The following CCDC175 variants were observed in gnomAD, a reference collection of about 807,000 sequenced individuals.
CCDC175 encodes the protein coiled-coil domain-containing protein 175.
In CCDC175, 100 loss-of-function variants were observed where a neutral mutation model predicts 114.6. The observed-to-expected ratio is 0.87, with a 90% CI of 0.74 to 1.03. The LOEUF (loss-of-function observed/expected upper bound fraction) is 1.03. CCDC175 is among the 50% of genes least tolerant of loss of function. The probability of loss-of-function intolerance (pLI) is 0.00; values close to 1 mark genes in which losing one functional copy is unlikely to be tolerated. For synonymous variants in CCDC175, 306 were observed against 308.7 expected (o/e 0.99, Z 0.09); for missense variants, 880 against 917.8 (o/e 0.96, Z 0.53).
At chr14:59,559,075 G>C (rs927815489) in intron 7 of CCDC175, among the ~76,000 whole-genome samples, 1 of 152,136 alleles carries the variant, frequency 6.6e-6, no homozygotes, top group Non-Finnish European at 1.5e-5. Flanking sequence ...CAGGATGGAA[G>C]CCATTAGTAA....
chr14:59,512,320 G>C (rs1892800307), intron 17 of CCDC175, among the ~76,000 whole-genome samples: 1 of 152,240 alleles, frequency 6.6e-6, no homozygotes, highest in Non-Finnish European at 1.5e-5. Context: ...CTCAGTGGCT[G>C]TCTGAGCAGC....
intron 17 of CCDC175, among the ~76,000 whole-genome samples, chr14:59,519,353 C>A (rs1338841972): frequency 6.6e-6 from 1 of 151,902 alleles, no homozygotes; most frequent in Non-Finnish European, 1.5e-5. Flanking sequence ...AATTAGAAAT[C>A]TAGACATAAA....
rs761688330 is a variant in CCDC175 at position 59,576,632 on chromosome 14, C to T, written c.144G>A (p.Gln48=). 3.4e-6 allele frequency: 5 copies of T among 1,472,336 alleles called. No individual in the cohort carries two copies. In the South Asian group the frequency reaches 6.6e-5, roughly 19 times the overall value. 91.2% of individuals were successfully genotyped at this position (1,472,336 alleles called of 1,614,324 possible). A position where few individuals can be genotyped will look rare whatever the true frequency, so the allele number is the denominator to read the frequency against. Residue 48 remains glutamine (Q), a synonymous_variant, in exon 1 of 20, where the codon CAG becomes CAA. Transcript: ENST00000537690. ...GSSVAVEALE[Q]LFVVEQSLQS... is the part of the protein sequence containing the mutation. The stretch of plus-strand genomic sequence containing the variant: ...GGGGCGTCTTACCCACAACAAACAG[C>T]TGCTCCAGCGCCTCGACCGCGACCG...
At position 59,565,124 on chromosome 14, in the gene CCDC175, A is replaced by C; in HGVS notation, c.643T>G (p.Cys215Gly). 6.5e-7 allele frequency: 1 copy of C among 1,536,738 alleles called. No individual in the cohort carries two copies. Among genetic ancestry groups the C allele is most frequent in the Non-Finnish European group, 8.7e-7 (1 of 1,146,378 alleles). Residue 215 changes from cysteine (C) to glycine (G), a missense_variant, in exon 5 of 20, where the codon TGT becomes GGT. Transcript: ENST00000537690. ...ATTAGCTCCTCTGCCTCTTGAATAC[A>C]TTTTTTTTGCAATGCTATGTCTTCT... ...KREDIALQKK[C>G]IQEAEELMEK...
intron 13 of CCDC175, among the ~76,000 whole-genome samples, chr14:59,533,256 C>T (rs921680641): frequency 6.6e-6 from 1 of 152,204 alleles, no homozygotes; most frequent in African/African-American, 2.4e-5. Context: ...CCCAGGGAAG[C>T]CCAATGCCAC....
chr14:59,541,404 G>C (rs746952021), intron 10 of CCDC175, among the ~76,000 whole-genome samples: 1 of 152,098 alleles, frequency 6.6e-6, no homozygotes, highest in Non-Finnish European at 1.5e-5. Flanking sequence ...CCCCAGCCCC[G>C]CCTTTTCCCT....
intron 7 of CCDC175, among the ~76,000 whole-genome samples, chr14:59,554,993 A>C (rs1448395741): frequency 6.6e-6 from 1 of 152,152 alleles, no homozygotes; most frequent in African/African-American, 2.4e-5. Context: ...CAACCAAAAA[A>C]AGTCCAGGAT....
At chr14:59,557,691 C>G (rs1045236598) in intron 7 of CCDC175, among the ~76,000 whole-genome samples, 2 of 151,116 alleles carry the variant, frequency 1.3e-5, no homozygotes, top group Non-Finnish European at 1.5e-5. Flanking sequence ...TCAAAAAGTT[C>G]CAGTCCCCAT....
At chr14:59,532,015 G>GGTCTCC in intron 13 of CCDC175, 105 bp from the exon 14 acceptor site, 1 of 619,948 alleles carries the variant, frequency 1.6e-6, no homozygotes, top group Non-Finnish European at 2.7e-6. Flanking sequence ...CATCTGTCTT[G>GGTCTCC]GTCTCCTATC....
At position 59,538,764 on chromosome 14, in the gene CCDC175, G is replaced by A. The variant is rs1176141196; in HGVS notation, c.1432C>T (p.Gln478Ter). The change falls in exon 12 of 20, where the codon CAA becomes TAA. Residue 478 changes from glutamine to a stop codon, truncating the protein, a stop_gained. Coordinates refer to ENST00000537690, the MANE Select transcript of CCDC175 (RefSeq NM_001164399.2). LOFTEE classifies it high-confidence loss of function. The stretch of plus-strand genomic sequence containing the variant: ...TTCTGAATTTTTTCTGTAATAGCTT[G>A]TATTTCAGCTTTTATCTTGGCTGTC... ...RWTAKIKAEI[Q>*]AITEKIQNAE... The A allele has an allele frequency of 3.3e-6, 5 of 1,535,962 alleles. No individual in the cohort carries two copies. Among genetic ancestry groups the A allele is most frequent in the African/African-American group, 2.7e-5 (2 of 72,976 alleles).
chr14:59,567,483 C>T (rs375368523), intron 4 of CCDC175, among the ~76,000 whole-genome samples: 26 of 152,248 alleles, frequency 1.7e-4, no homozygotes, highest in African/African-American at 6.0e-4. Context: ...TCTTTGTGAA[C>T]ATTTCTCACT....
At chr14:59,529,844 C>G (rs1266375985) in intron 14 of CCDC175, among the ~76,000 whole-genome samples, 3 of 152,162 alleles carry the variant, frequency 2.0e-5, no homozygotes, top group Admixed American at 6.6e-5. Flanking sequence ...CCCATGCATG[C>G]CATTCTCTGC....
At chr14:59,553,032 A>G (rs1484221690) in intron 7 of CCDC175, among the ~76,000 whole-genome samples, 1 of 152,208 alleles carries the variant, frequency 6.6e-6, no homozygotes, top group Non-Finnish European at 1.5e-5. Flanking sequence ...CCAAGTTGGA[A>G]AACACTCTGC....
chr14:59,537,971 TC>T, intron 13 of CCDC175, 51 bp downstream of exon 13: 1 of 1,274,570 alleles, frequency 7.8e-7, no homozygotes, highest in Non-Finnish European at 1.1e-6. Flanking sequence ...TTATTCCCCC[TC>T]CCCCTCATGT....
At chr14:59,549,686 C>T (rs1895336070) in intron 8 of CCDC175, among the ~76,000 whole-genome samples, 1 of 124,848 alleles carries the variant, frequency 8.0e-6, no homozygotes, top group Non-Finnish European at 1.6e-5. Context: ...TGCCACTGCA[C>T]TCCAGCCTGG....
intron 9 of CCDC175, among the ~76,000 whole-genome samples, chr14:59,544,198 C>G (rs1894961975): frequency 6.6e-6 from 1 of 152,100 alleles, no homozygotes; most frequent in Admixed American, 6.6e-5. Context: ...CGGAGTCTGG[C>G]TCTTGTCGCC....
intron 8 of CCDC175, among the ~76,000 whole-genome samples, chr14:59,547,566 A>G (rs757820774): frequency 3.3e-5 from 5 of 152,250 alleles, no homozygotes; most frequent in Non-Finnish European, 7.3e-5. Context: ...TACTTGATTT[A>G]TGACAATAGT....
At chr14:59,528,103 T>C (rs1293774472) in intron 14 of CCDC175, among the ~76,000 whole-genome samples, 1 of 152,140 alleles carries the variant, frequency 6.6e-6, no homozygotes, top group Non-Finnish European at 1.5e-5. Context: ...GTTTCTATTC[T>C]ATATTCTTGA....
intron 7 of CCDC175, among the ~76,000 whole-genome samples, chr14:59,556,276 G>A (rs1895894344): frequency 6.6e-6 from 1 of 152,106 alleles, no homozygotes. Context: ...TAGACCAATG[G>A]AACAGAAGAG....
Sources: gnomAD v4.1 joint callset for allele counts (sites outside exome capture counted in the v4.1 genomes callset) on GRCh38, gnomAD v4.1.1 for gene constraint, MANE v1.5 for transcripts, NCBI Gene and HGNC (gene_info 2026-07-23, HGNC 2026-07-21) for gene names.